Variants in PACS2 observed in about 807,000 individuals in gnomAD.
The protein encoded by PACS2 is PACS1-like protein.
PACS2 carries 36 observed loss-of-function variants against 113.0 expected under a neutral mutation model. That is an observed-to-expected ratio of 0.32 (90% CI 0.24 to 0.42). The LOEUF (loss-of-function observed/expected upper bound fraction) is 0.42, where lower values mean the gene tolerates loss of function less well. PACS2 is among the 10% of genes least tolerant of loss of function. The probability of loss-of-function intolerance (pLI) is 1.00; values close to 1 mark genes in which losing one functional copy is unlikely to be tolerated. For synonymous variants in PACS2, 589 were observed against 536.1 expected (o/e 1.10, Z -1.36); for missense variants, 1,015 against 1,239.5 (o/e 0.82, Z 2.72).
chr14:105,386,358 G>A (rs1555413576), intron 19 of PACS2, among the ~76,000 whole-genome samples: 1 of 152,166 alleles, frequency 6.6e-6, no homozygotes, highest in East Asian at 1.9e-4. Flanking sequence ...GAGCACCTGG[G>A]GCCAGCAGAG....
At chr14:105,341,122 G>A (rs2059707628) in intron 1 of PACS2, among the ~76,000 whole-genome samples, 1 of 152,270 alleles carries the variant, frequency 6.6e-6, no homozygotes, top group Non-Finnish European at 1.5e-5. Flanking sequence ...GTGCGTTTCT[G>A]TGGTCAGGCC....
At chr14:105,338,922 T>A (rs1259092720) in intron 1 of PACS2, among the ~76,000 whole-genome samples, 5 of 152,320 alleles carry the variant, frequency 3.3e-5, no homozygotes, top group Non-Finnish European at 7.4e-5. Flanking sequence ...CCCACCCAGC[T>A]GCTCTCCTCT....
chr14:105,372,923 C>T (rs901553097), intron 8 of PACS2: 2 of 151,956 alleles, frequency 1.3e-5, no homozygotes, highest in Admixed American at 6.6e-5. Context: ...AAAAAAGCCA[C>T]AGGTTGACAG....
chr14:105,378,158 T>C (rs1343619497), intron 9 of PACS2, among the ~76,000 whole-genome samples: 1 of 152,254 alleles, frequency 6.6e-6, no homozygotes, highest in African/African-American at 2.4e-5. Flanking sequence ...GAAAGTTTTC[T>C]GTCTTTAACG....
chr14:105,362,020 G>A (rs773348107), intron 4 of PACS2, among the ~76,000 whole-genome samples: 248 of 152,100 alleles, frequency 1.6e-3, no homozygotes, highest in Non-Finnish European at 3.0e-3. Context: ...CTACTCGGGA[G>A]GCTGAGGCAG....
rs1283651935 is a variant in PACS2 at position 105,354,888 on chromosome 14, T to A, written c.298-164T>A. On this transcript the variant is annotated intron_variant, in intron 3 of 24. Coordinates refer to ENST00000447393, the MANE Select transcript of PACS2 (RefSeq NM_001100913.3). This position sits in a 1 kb window ranked among gnomAD's most constrained non-coding sequence, Gnocchi z 4.2. ...AAAGGATGGGCTCTGGGGACCGGCA[T>A]GCCACTGGGATGAACTTGGGGGCCC... 6.6e-6 allele frequency among the ~76,000 whole-genome samples: 1 copy of A among 152,180 alleles called. No homozygotes were observed. The highest frequency in any genetic ancestry group is 1.5e-5 in the Non-Finnish European group (1 of 68,020).
intron 1 of PACS2, among the ~76,000 whole-genome samples, chr14:105,331,064 C>T (rs774490611): frequency 2.6e-5 from 4 of 151,906 alleles, no homozygotes; most frequent in Non-Finnish European, 5.9e-5. Flanking sequence ...AGGTGATTCT[C>T]CTGCCTCAGC....
intron 1 of PACS2, among the ~76,000 whole-genome samples, chr14:105,334,876 G>A (rs142654758): frequency 1.3e-3 from 195 of 152,390 alleles, no homozygotes; most frequent in African/African-American, 4.4e-3. Context: ...CCTCGGGAGT[G>A]TGTGCATGGT....
At chr14:105,385,447 C>T (rs782369468) in intron 18 of PACS2, among the ~76,000 whole-genome samples, 59 of 152,306 alleles carry the variant, frequency 3.9e-4, no homozygotes, top group Non-Finnish European at 7.4e-4. Context: ...GAAAGTCCTG[C>T]GGAGACCTGT....
intron 10 of PACS2, 45 bp from the exon 11 acceptor site, chr14:105,380,035 C>T (rs781912075): frequency 9.2e-6 from 14 of 1,515,044 alleles, no homozygotes; most frequent in East Asian, 4.9e-5. Context: ...AGCGCCTTGG[C>T]ACCTGCAGTT....
At chr14:105,353,008 A>C (rs1475619436) in intron 3 of PACS2, among the ~76,000 whole-genome samples, 2 of 77,148 alleles carry the variant, frequency 2.6e-5, no homozygotes, top group South Asian at 5.2e-4. Flanking sequence ...CCCCCTCATC[A>C]CTGTCCCCTG....
upstream of PACS2, among the ~76,000 whole-genome samples, chr14:105,310,531 C>T (rs1372616765): frequency 3.5e-5 from 2 of 57,936 alleles, no homozygotes; most frequent in East Asian, 5.9e-4. Flanking sequence ...GAGACTCTGT[C>T]TCAAAAAAAA....
intron 1 of PACS2, among the ~76,000 whole-genome samples, chr14:105,334,814 ACTGCGGGGGGGAG>A (rs2059448019): frequency 6.6e-6 from 1 of 152,112 alleles, no homozygotes; most frequent in Non-Finnish European, 1.5e-5. Context: ...CATAACGTGC[ACTGCGGGGGGGAG>A]CTGTGGCATC....
At chr14:105,316,481 G>A (rs1228598286) in intron 1 of PACS2, among the ~76,000 whole-genome samples, 2 of 152,216 alleles carry the variant, frequency 1.3e-5, no homozygotes, top group Non-Finnish European at 2.9e-5. Context: ...ACCTTCATGC[G>A]GGCTGTTGGC....
chr14:105,382,091 C>T, intron 13 of PACS2, 33 bp downstream of exon 13: 2 of 1,533,876 alleles, frequency 1.3e-6, no homozygotes, highest in Non-Finnish European at 1.8e-6. Context: ...GCCCAGGAGG[C>T]AGGGCTCGTG....
At chr14:105,362,383 C>A (rs868945287) in intron 4 of PACS2, among the ~76,000 whole-genome samples, 1 of 149,228 alleles carries the variant, frequency 6.7e-6, no homozygotes, top group Non-Finnish European at 1.5e-5. Flanking sequence ...CGCCACTGCA[C>A]TCCAGCCTGG....
rs1172406226 is a variant in PACS2, at chr14:105,386,748, C to T, written c.2033+1031C>T. On this transcript the variant is annotated intron_variant, in intron 19 of 24. Transcript: ENST00000447393. ...CTGCTCGAAGTGGGCAGCCTGGGAC[C>T]ACCCACAGCTGTAGGGCTGGGCGCT... Among the ~76,000 whole-genome samples, 3 of 152,274 alleles carry T rather than the reference C, an allele frequency of 2.0e-5. No homozygotes were observed. The East Asian group carries it at 5.8e-4, about 29-fold the overall frequency.
rs888173961 is a variant in PACS2 at position 105,317,753 on chromosome 14, C to T, written c.119+2716C>T. Among the ~76,000 whole-genome samples the T allele has an allele frequency of 3.9e-5, 6 of 152,192 alleles. No individual in the cohort carries two copies. Among genetic ancestry groups the T allele is most frequent in the East Asian group, 3.9e-4 (2 of 5,194 alleles). ...CTGAGCAGCCTCTGGGTGCACTCCCCGTGTCAGCCTGGTGGAGTGTGCACA... is the reference window on the plus strand; with the variant it reads ...CTGAGCAGCCTCTGGGTGCACTCCCTGTGTCAGCCTGGTGGAGTGTGCACA... On this transcript the variant is annotated intron_variant, in intron 1 of 24. Transcript: ENST00000447393. The surrounding 1 kb of genome is among the most constrained non-coding windows in gnomAD (Gnocchi z 4.2).
intron 10 of PACS2, 72 bp downstream of exon 10, chr14:105,379,901 C>T (rs2080920308): frequency 3.4e-6 from 5 of 1,482,862 alleles, no homozygotes; most frequent in Admixed American, 1.7e-5. Context: ...CCAAATCTCC[C>T]AGCATGTCCT....
Sources: allele counts gnomAD v4.1 joint callset (sites outside exome capture counted in the v4.1 genomes callset), GRCh38; gene constraint gnomAD v4.1.1; non-coding constraint Gnocchi (gnomAD v3.1); transcripts MANE v1.5; gene names NCBI Gene and HGNC (gene_info 2026-07-23, HGNC 2026-07-21).